Variants in XPO7 observed in about 807,000 individuals in gnomAD.
XPO7 encodes exportin 7, also known as exportin-7.
In XPO7, 21 loss-of-function variants were observed where a neutral mutation model predicts 144.3. That is an observed-to-expected ratio of 0.15 (90% CI 0.10 to 0.21). The LOEUF (loss-of-function observed/expected upper bound fraction) is 0.21. Among genes scored for constraint, XPO7 ranks in the 10% least tolerant of loss-of-function variants. XPO7 has a pLI of 1.00. For synonymous variants in XPO7, 580 were observed against 499.6 expected (o/e 1.16, Z -2.15); for missense variants, 808 against 1,325.8 (o/e 0.61, Z 6.06).
In XPO7 at chr8:22,003,915, C is replaced by G. The variant is rs1813238278; in HGVS notation, c.3055C>G (p.Leu1019Val). 1.2e-6 allele frequency: 2 copies of G among 1,613,714 alleles called. No individual in the cohort carries two copies. The highest frequency in any genetic ancestry group is 1.7e-6 in the Non-Finnish European group (2 of 1,179,852). Residue 1019 changes from leucine to valine, a missense_variant, in exon 27 of 28, where the codon CTA becomes GTA. Around this residue, in one of 5 missense-constraint regions of XPO7, gnomAD observed 140 missense variants for 237.9 expected, o/e 0.59. Coordinates refer to ENST00000252512, the MANE Select transcript of XPO7 (RefSeq NM_015024.5). ...ILLNEKYFSD[L>V]RNSIVNSQPP... The stretch of plus-strand genomic sequence containing the variant: ...CCTTGCCCCACAGTATTTTTCTGAC[C>G]TAAGAAACAGTATTGTGAACAGCCA...
intron 24 of XPO7, among the ~76,000 whole-genome samples, chr8:22,000,026 C>G (rs973544680): frequency 6.6e-6 from 1 of 152,210 alleles, no homozygotes; most frequent in African/African-American, 2.4e-5. Flanking sequence ...AAGTGCTACA[C>G]AAGCCCTCAA....
chr8:21,989,821 C>CTTTTTTTT (rs1170364778), intron 16 of XPO7, among the ~76,000 whole-genome samples: 646 of 59,700 alleles, frequency 0.011, 213 homozygotes, highest in Middle Eastern at 0.022. Context: ...TAGGTGTTTC[C>CTTTTTTTT]TTTTTTTTTT....
chr8:21,978,975 G>A (rs973606508), intron 8 of XPO7, among the ~76,000 whole-genome samples: 4 of 152,208 alleles, frequency 2.6e-5, no homozygotes, highest in Non-Finnish European at 4.4e-5. Flanking sequence ...GAAAAGGGTC[G>A]AAAGCAGATC....
Position 21,995,518 on chromosome 8 carries a change from A to T in XPO7, c.2264A>T (p.Gln755Leu). ...WIYPSYMPIL[Q>L]RAIELWYHDP... ...TATCCATCCTATATGCCAATTCTCC[A>T]ACGGGCAATTGAGCTCTGGTACCAT... Residue 755 changes from glutamine to leucine, a missense_variant, in exon 21 of 28, where the codon CAA becomes CTA. Gln to Leu is a moderately radical substitution (Grantham distance 113). This residue lies in a region of XPO7 where 416 missense variants were observed against 612.5 expected (regional missense o/e 0.68). Transcript: ENST00000252512. 1 of 1,609,858 alleles carries T rather than the reference A, an allele frequency of 6.2e-7. No homozygotes were observed. The highest frequency in any genetic ancestry group is 8.5e-7 in the Non-Finnish European group (1 of 1,177,942).
At chr8:21,921,910 C>A (rs1239290890) in intron 1 of XPO7, among the ~76,000 whole-genome samples, 1 of 152,100 alleles carries the variant, frequency 6.6e-6, no homozygotes, top group East Asian at 1.9e-4. Context: ...ATTGGGCACT[C>A]ACAGATGTTA....
At chr8:21,919,878 CG>C in intron 1 of XPO7, 90 bp downstream of exon 1, 1 of 301,578 alleles carries the variant, frequency 3.3e-6, no homozygotes, top group Non-Finnish European at 6.3e-6. Context: ...CCAGCCGGCT[CG>C]GGACTCGGCA....
chr8:21,948,180 T>C (rs1246304389), intron 1 of XPO7, among the ~76,000 whole-genome samples: 1 of 152,238 alleles, frequency 6.6e-6, no homozygotes, highest in Non-Finnish European at 1.5e-5. Flanking sequence ...AATGCAGTCA[T>C]GCACTGAATA....
chr8:21,992,640 C>G (rs1307069980), intron 19 of XPO7, among the ~76,000 whole-genome samples: 2 of 152,148 alleles, frequency 1.3e-5, no homozygotes, highest in African/African-American at 4.8e-5. Context: ...GCCTTGAACT[C>G]CTGGCTCAAG....
chr8:22,003,642 T>G (rs914365074), intron 26 of XPO7, among the ~76,000 whole-genome samples: 16 of 152,120 alleles, frequency 1.1e-4, no homozygotes. Context: ...TATAAACAAG[T>G]CTTGAGATTC....
intron 1 of XPO7, among the ~76,000 whole-genome samples, chr8:21,958,333 A>G (rs1397326704): frequency 6.6e-6 from 1 of 152,034 alleles, no homozygotes; most frequent in Non-Finnish European, 1.5e-5. Flanking sequence ...TAGTCACCAC[A>G]TTTGCGTCAA....
At chr8:21,970,358 A>C in intron 4 of XPO7, 48 bp downstream of exon 4, 1 of 1,535,380 alleles carries the variant, frequency 6.5e-7, no homozygotes, top group South Asian at 1.2e-5. Context: ...ACCAGCATAT[A>C]CATATATATA....
At chr8:21,931,551 A>G (rs1023184813) in intron 1 of XPO7, among the ~76,000 whole-genome samples, 8 of 152,240 alleles carry the variant, frequency 5.3e-5, no homozygotes, top group African/African-American at 1.9e-4. Flanking sequence ...TTCTGTTACC[A>G]CTGACAAGAG....
intron 1 of XPO7, among the ~76,000 whole-genome samples, chr8:21,920,517 C>T (rs1810243841): frequency 6.6e-6 from 1 of 152,076 alleles, no homozygotes; most frequent in African/African-American, 2.4e-5. Context: ...ATGAGAGATG[C>T]AGGGTTGGGT....
chr8:21,960,648 G>A (rs1811697367), intron 1 of XPO7, among the ~76,000 whole-genome samples: 1 of 152,184 alleles, frequency 6.6e-6, no homozygotes, highest in African/African-American at 2.4e-5. Context: ...CCAGGCTCTG[G>A]CATAGCATTA....
chr8:21,999,743 G>T, intron 24 of XPO7, 69 bp downstream of exon 24: 1 of 1,591,556 alleles, frequency 6.3e-7, no homozygotes, highest in Admixed American at 1.7e-5. Context: ...CAGAAAGAGA[G>T]AATCTTGCCC....
chr8:21,965,142 CTT>C (rs79291299), intron 1 of XPO7, among the ~76,000 whole-genome samples: 4 of 137,206 alleles, frequency 2.9e-5, no homozygotes, highest in African/African-American at 5.4e-5. Flanking sequence ...TAATTTTTTT[CTT>C]TTTTTTTTTT....
In XPO7 at chr8:21,981,832, T is replaced by G. The variant is rs749845812; in HGVS notation, c.1059T>G (p.Pro353=). 3 of 1,614,044 alleles carry G rather than the reference T, an allele frequency of 1.9e-6. No individual in the cohort carries two copies. Among genetic ancestry groups the G allele is most frequent in the Non-Finnish European group, 2.5e-6 (3 of 1,179,884 alleles). ...AATTGGTAAAGGTGGAAAACTACCCTGAGGTCATCCGATTGATAGCCAACT... is the reference window on the plus strand; with the variant it reads ...AATTGGTAAAGGTGGAAAACTACCCGGAGGTCATCCGATTGATAGCCAACT... ...LGELVKVENY[P]EVIRLIANFT... is the part of the protein sequence containing the mutation. Residue 353 remains proline (P), a synonymous_variant, in exon 10 of 28, where the codon CCT becomes CCG. Transcript: ENST00000252512.
In XPO7 at chr8:21,999,574, G is replaced by C. The variant is rs778851064; in HGVS notation, c.2682G>C (p.Leu894=). The C allele has an allele frequency of 6.2e-7, 1 of 1,613,962 alleles. No individual in the cohort carries two copies. The highest frequency in any genetic ancestry group is 8.5e-7 in the Non-Finnish European group (1 of 1,179,898). The change falls in exon 24 of 28, where the codon CTG becomes CTC. Residue 894 remains leucine (L), a synonymous_variant. Coordinates refer to ENST00000252512, the MANE Select transcript of XPO7 (RefSeq NM_015024.5). ...PKLSQSYYSL[L]EVLTQDHMNF... is the part of the protein sequence containing the mutation. ...TCAGCCAGTCTTATTATTCACTACTGGAAGTCCTGACCCAGGACCATATGA... is the reference window on the plus strand; with the variant it reads ...TCAGCCAGTCTTATTATTCACTACTCGAAGTCCTGACCCAGGACCATATGA...
chr8:22,003,242 C>G lies in XPO7; in HGVS notation c.2967C>G (p.Ile989Met). Residue 989 changes from isoleucine to methionine, a missense_variant, in exon 26 of 28, where the codon ATC becomes ATG. By Grantham distance (10) the Ile-to-Met change is conservative (BLOSUM62 1). Coordinates refer to ENST00000252512, the MANE Select transcript of XPO7 (RefSeq NM_015024.5). The stretch of plus-strand genomic sequence containing the variant: ...AGATGCTGTCCACGGTGCTGAACAT[C>G]ATCATCTTTGAAGACTGTAGGAACC... ...IQQMLSTVLNIIIFEDCRNQW... is the reference protein window; with the variant it reads ...IQQMLSTVLNMIIFEDCRNQW... 1 of 1,612,936 alleles carries G rather than the reference C, an allele frequency of 6.2e-7. No individual in the cohort carries two copies. The highest frequency in any genetic ancestry group is 8.5e-7 in the Non-Finnish European group (1 of 1,179,526).
Sources: gnomAD v4.1 joint callset for allele counts (sites outside exome capture counted in the v4.1 genomes callset) on GRCh38, gnomAD v4.1.1 for gene constraint, gnomAD v4.1.1 regional missense constraint, MANE v1.5 for transcripts, NCBI Gene and HGNC (gene_info 2026-07-23, HGNC 2026-07-21) for gene names.